CALD1: variants seen among roughly 807,000 people sequenced by gnomAD.
The protein encoded by CALD1 is caldesmon 1, also known as caldesmon.
In CALD1, 33 loss-of-function variants were observed where a neutral mutation model predicts 99.9. The observed-to-expected ratio is 0.33, with a 90% CI of 0.25 to 0.44. CALD1 has a LOEUF of 0.44. CALD1 is among the 20% of genes least tolerant of loss of function. The pLI, the probability that CALD1 is intolerant of heterozygous loss-of-function variation, is 1.00. For synonymous variants in CALD1, 310 were observed against 325.0 expected, an observed-to-expected ratio of 0.95 and a Z score of 0.50; for missense variants, 861 against 962.1, an observed-to-expected ratio of 0.89 and a Z score of 1.39.
At chr7:134,962,576 G>A (rs761012427) in intron 13 of CALD1, among the ~76,000 whole-genome samples, 1 of 152,028 alleles carries the variant, frequency 6.6e-6, no homozygotes, top group Non-Finnish European at 1.5e-5. Context: ...AGAACCAGAT[G>A]GAAGAAAGTT....
chr7:134,875,134 GTT>G (rs1801287760), intron 3 of CALD1, among the ~76,000 whole-genome samples: 1 of 152,162 alleles, frequency 6.6e-6, no homozygotes, highest in South Asian at 2.1e-4. Context: ...TTTCCCTTCA[GTT>G]CTCTCAGAAA....
At chr7:134,946,827 C>A (rs1328485895) in intron 7 of CALD1, among the ~76,000 whole-genome samples, 1 of 151,982 alleles carries the variant, frequency 6.6e-6, no homozygotes, top group Non-Finnish European at 1.5e-5. Context: ...ACCACAGGCA[C>A]ACGCCGCCAC....
At chr7:134,873,204 CA>C (rs66974407) in intron 3 of CALD1, among the ~76,000 whole-genome samples, 44,744 of 146,872 alleles carry the variant, frequency 0.3, 7,493 homozygotes, top group African/African-American at 0.46. Context: ...ACAAACAAAA[CA>C]AAAAAAACCC....
At chr7:134,940,140 T>C (rs1806313838) in intron 6 of CALD1, among the ~76,000 whole-genome samples, 1 of 152,176 alleles carries the variant, frequency 6.6e-6, no homozygotes, top group Non-Finnish European at 1.5e-5. Context: ...TTTGTAACTG[T>C]CTTGAAAAGA....
At chr7:134,724,931 G>T in the CALD1 span, among the ~76,000 whole-genome samples, 3 of 152,312 alleles carry the variant, frequency 2.0e-5, no homozygotes, top group East Asian at 5.8e-4. Flanking sequence ...AAGGTCCTGT[G>T]CCTAACCAGG....
At chr7:134,720,456 AC>A in the CALD1 span, among the ~76,000 whole-genome samples, 3 of 152,072 alleles carry the variant, frequency 2.0e-5, no homozygotes, top group Admixed American at 2.0e-4. Context: ...CTCATTAGTA[AC>A]TTCTTTATAA....
intron 1 of CALD1, among the ~76,000 whole-genome samples, chr7:134,746,884 A>G (rs1346086096): frequency 1.3e-5 from 2 of 152,244 alleles, no homozygotes; most frequent in Non-Finnish European, 2.9e-5. Flanking sequence ...ATGAAATTAA[A>G]TATTTAGCTG....
intron 4 of CALD1, among the ~76,000 whole-genome samples, chr7:134,931,175 GTCT>G (rs1473989366): frequency 1.3e-5 from 2 of 151,990 alleles, no homozygotes; most frequent in East Asian, 3.9e-4. Context: ...AGAAGAATAA[GTCT>G]TCTTGGGGCT....
chr7:134,826,278 A>C (rs950957984), intron 1 of CALD1, among the ~76,000 whole-genome samples: 1 of 152,166 alleles, frequency 6.6e-6, no homozygotes, highest in Non-Finnish European at 1.5e-5. Context: ...GTACTCACCC[A>C]CGAGCACAGC....
intron 1 of CALD1, among the ~76,000 whole-genome samples, chr7:134,805,623 TC>T (rs1465554685): frequency 1.3e-5 from 2 of 152,198 alleles, no homozygotes; most frequent in Non-Finnish European, 2.9e-5. Context: ...TCCTTGGCTG[TC>T]TGTCCATATA....
At chr7:134,764,772 G>T (rs1166879055) in intron 1 of CALD1, among the ~76,000 whole-genome samples, 1 of 152,162 alleles carries the variant, frequency 6.6e-6, no homozygotes, top group African/African-American at 2.4e-5. Context: ...TGGAGCCAGA[G>T]TGGGCAAATG....
intron 1 of CALD1, among the ~76,000 whole-genome samples, chr7:134,808,908 T>C (rs971239726): frequency 6.6e-6 from 1 of 152,204 alleles, no homozygotes; most frequent in Admixed American, 6.5e-5. Flanking sequence ...CAGTATAACA[T>C]TGGTGACAAT....
intron 14 of CALD1, among the ~76,000 whole-genome samples, chr7:134,966,115 A>G (rs1808663677): frequency 6.6e-6 from 1 of 152,156 alleles, no homozygotes; most frequent in East Asian, 1.9e-4. Flanking sequence ...TTAAAAAGGG[A>G]GAAACTGGAG....
At chr7:134,860,332 A>G (rs1272772943) in intron 2 of CALD1, among the ~76,000 whole-genome samples, 2 of 152,180 alleles carry the variant, frequency 1.3e-5, no homozygotes. Context: ...TGACAAATTG[A>G]TTTTTTTTGA....
chr7:134,808,144 A>C (rs1206581622), intron 1 of CALD1, among the ~76,000 whole-genome samples: 3 of 150,164 alleles, frequency 2.0e-5, no homozygotes, highest in African/African-American at 7.4e-5. Flanking sequence ...TTTGTCGCCC[A>C]GGCTTGAGTA....
At position 134,880,391 on chromosome 7, in the gene CALD1, G is replaced by A. The variant is rs745922312; in HGVS notation, c.71+12587G>A. Among the ~76,000 whole-genome samples the A allele has an allele frequency of 3.9e-5, 6 of 152,272 alleles. No homozygotes were observed. The East Asian group carries it at 7.7e-4, about 20-fold the overall frequency. On this transcript the variant is annotated intron_variant, in intron 3 of 14. Coordinates refer to ENST00000361675, the MANE Select transcript of CALD1 (RefSeq NM_033138.4). ...GGAAGGTTTTCTGGAGGTGGGGGGAGACTCAAGAGACTAATATGAAAAATA... is the reference window on the plus strand; with the variant it reads ...GGAAGGTTTTCTGGAGGTGGGGGGAAACTCAAGAGACTAATATGAAAAATA...
chr7:134,749,251 A>G lies in CALD1; in HGVS notation c.-130+4888A>G, dbSNP rs149897359. Among the ~76,000 whole-genome samples the G allele has an allele frequency of 9.6e-3, 1,460 of 152,338 alleles. 16 individuals are homozygous for G. The highest frequency in any genetic ancestry group is 0.014 in the Non-Finnish European group (971 of 68,030). ...AAAGGGACTTATTTGTTTGTCTTCAAAGGAACACCTCTCAGCCCTGGAACC... is the reference window on the plus strand; with the variant it reads ...AAAGGGACTTATTTGTTTGTCTTCAGAGGAACACCTCTCAGCCCTGGAACC... On this transcript the variant is annotated intron_variant, in intron 1 of 13. Transcript: ENST00000417172.
At chr7:134,762,889 C>T (rs1585901953) in intron 1 of CALD1, among the ~76,000 whole-genome samples, 1 of 152,160 alleles carries the variant, frequency 6.6e-6, no homozygotes, top group African/African-American at 2.4e-5. Flanking sequence ...AAGAATCCCA[C>T]AATTTGGAAA....
At chr7:134,895,294 ATGTATGTG>A (rs1278506821) in intron 3 of CALD1, among the ~76,000 whole-genome samples, 9 of 122,650 alleles carry the variant, frequency 7.3e-5, no homozygotes, top group African/African-American at 2.1e-4. Flanking sequence ...GGTTTTATAT[ATGTATGTG>A]TGTGTGTGTG....
Sources: gnomAD v4.1 joint callset for allele counts (sites outside exome capture counted in the v4.1 genomes callset) on GRCh38, gnomAD v4.1.1 for gene constraint, MANE v1.5 for transcripts, NCBI Gene and HGNC (gene_info 2026-07-23, HGNC 2026-07-21) for gene names.